CUX1: variants seen among roughly 807,000 people sequenced by gnomAD.
The protein encoded by CUX1 is cut like homeobox 1.
A neutral mutation model predicts 158.8 loss-of-function variants in CUX1; 31 were observed. That is an observed-to-expected ratio of 0.20 (90% CI 0.15 to 0.26). The LOEUF (loss-of-function observed/expected upper bound fraction) is 0.26, where lower values mean the gene tolerates loss of function less well. Among genes scored for constraint, CUX1 ranks in the 10% least tolerant of loss-of-function variants. CUX1 has a pLI of 1.00. For missense variants in CUX1, 1,589 were observed against 2,014.6 expected (o/e 0.79, Z 4.04); for synonymous variants, 879 against 862.1 (o/e 1.02, Z -0.34).
At chr7:102,119,114 C>T (rs1456115310) in intron 8 of CUX1, among the ~76,000 whole-genome samples, 1 of 152,210 alleles carries the variant, frequency 6.6e-6, no homozygotes, top group Non-Finnish European at 1.5e-5. Flanking sequence ...TGGTGAGAGT[C>T]TGAGGCTAAG....
chr7:102,270,657 C>T (rs1355821766), intron 14 of CUX1, among the ~76,000 whole-genome samples: 1 of 152,226 alleles, frequency 6.6e-6, no homozygotes, highest in Non-Finnish European at 1.5e-5. Flanking sequence ...GGATGGCCTC[C>T]CCCAACCACT....
At position 102,156,708 on chromosome 7, in the gene CUX1, C is replaced by T. The variant is rs1332266856; in HGVS notation, c.675-1852C>T. Among the ~76,000 whole-genome samples, 6 of 152,204 alleles carry T rather than the reference C, an allele frequency of 3.9e-5. 1 individual carries two copies. The highest frequency in any genetic ancestry group is 6.5e-5 in the Admixed American group (1 of 15,276). Reference sequence around the variant, plus strand: ...TGGAGCAGGTTTCGGAAGGATAGAACTCTCATTGTCAGGCCTGTCCAGCAC... The same window carrying T: ...TGGAGCAGGTTTCGGAAGGATAGAATTCTCATTGTCAGGCCTGTCCAGCAC... On this transcript the variant is annotated intron_variant, in intron 8 of 23. Transcript: ENST00000292535.
At chr7:101,873,128 C>A (rs1424999625) in intron 1 of CUX1, among the ~76,000 whole-genome samples, 5 of 151,272 alleles carry the variant, frequency 3.3e-5, no homozygotes, top group African/African-American at 1.2e-4. Flanking sequence ...ATCTAGGTCT[C>A]CCAAAGTGCT....
intron 20 of CUX1, 69 bp from the exon 21 acceptor site, chr7:102,227,298 A>T: frequency 7.4e-7 from 1 of 1,349,876 alleles, no homozygotes; most frequent in Non-Finnish European, 1.0e-6. Context: ...TTCCTAGATA[A>T]GGAACGTAGA....
intron 2 of CUX1, among the ~76,000 whole-genome samples, chr7:101,978,924 G>C (rs1813068599): frequency 6.6e-6 from 1 of 152,228 alleles, no homozygotes; most frequent in South Asian, 2.1e-4. Context: ...CAGGCACAGA[G>C]CCCGGGGTAT....
At chr7:102,084,274 A>T (rs2130777887) in intron 4 of CUX1, among the ~76,000 whole-genome samples, 1 of 144,918 alleles carries the variant, frequency 6.9e-6, no homozygotes, top group Admixed American at 7.0e-5. Context: ...ATTTTAACAA[A>T]TAATAAAATA....
chr7:102,277,584 G>C (rs568020019), intron 17 of CUX1, among the ~76,000 whole-genome samples: 25 of 151,886 alleles, frequency 1.6e-4, no homozygotes, highest in Admixed American at 1.4e-3. Context: ...TGGGCAACAA[G>C]AGCGAAACTC....
intron 8 of CUX1, among the ~76,000 whole-genome samples, chr7:102,120,824 G>C (rs1175003326): frequency 6.6e-6 from 1 of 152,214 alleles, no homozygotes; most frequent in African/African-American, 2.4e-5. Flanking sequence ...AGCACTCTGG[G>C]AGACTGAGGT....
At chr7:101,969,982 CAAAAA>C (rs34167642) in intron 2 of CUX1, among the ~76,000 whole-genome samples, 15 of 55,670 alleles carry the variant, frequency 2.7e-4, no homozygotes, top group Admixed American at 1.0e-3. Context: ...GAGTTAGCAC[CAAAAA>C]AAAAAAAAAA....
intron 4 of CUX1, among the ~76,000 whole-genome samples, chr7:102,081,713 ACCT>A (rs1827436225): frequency 6.9e-6 from 1 of 144,972 alleles, no homozygotes; most frequent in East Asian, 2.0e-4. Flanking sequence ...GCTCGCTGCA[ACCT>A]CCTCCTCCTG....
intron 1 of CUX1, chr7:101,913,445 TCACCTTG>T: frequency 8.1e-7 from 1 of 1,233,916 alleles, no homozygotes; most frequent in Non-Finnish European, 1.1e-6. Flanking sequence ...CAAGGTGGGT[TCACCTTG>T]CACCGGGCCA....
At chr7:101,846,422 G>A (rs888621694) in intron 1 of CUX1, among the ~76,000 whole-genome samples, 1 of 151,920 alleles carries the variant, frequency 6.6e-6, no homozygotes, top group South Asian at 2.1e-4. Flanking sequence ...GGGATCAAGC[G>A]ATCCTCCCAC....
At position 102,103,419 on chromosome 7, in the gene CUX1, C is replaced by T. The variant is rs746332333; in HGVS notation, c.407-917C>T. 3.3e-3 allele frequency among the ~76,000 whole-genome samples: 354 copies of T among 107,242 alleles called. 2 individuals carry two copies. Among genetic ancestry groups the T allele is most frequent in the South Asian group, 8.3e-3 (28 of 3,388 alleles). The allele number at this position is 107,242 out of a possible 152,430, so 70.4% of individuals were successfully genotyped here. A position where few individuals can be genotyped will look rare whatever the true frequency, so the allele number is the denominator to read the frequency against. ...CCTCTCTTTCTTTTGCTCTCCGTTT[C>T]TCTCTCTCTCTCTCTCACTCACTCA... On this transcript the variant is annotated intron_variant, in intron 5 of 23. Coordinates refer to ENST00000292535, the MANE Select transcript of CUX1 (RefSeq NM_181552.4).
intron 2 of CUX1, among the ~76,000 whole-genome samples, chr7:102,017,768 G>T (rs1331070942): frequency 6.6e-6 from 1 of 151,384 alleles, no homozygotes; most frequent in East Asian, 2.0e-4. Context: ...AATCGCTTGA[G>T]CCTGGGAGGC....
Position 102,160,062 on chromosome 7 carries a change from T to G in CUX1, c.723+1454T>G, listed in dbSNP as rs562549520. On this transcript the variant is annotated intron_variant, in intron 9 of 23. Coordinates refer to ENST00000292535, the MANE Select transcript of CUX1 (RefSeq NM_181552.4). ...CGGGTGCGGTGACATGCACCTGTCA[T>G]CCCAGCTGTTCAGGAGGCTGAGGCA... Among the ~76,000 whole-genome samples, 13 of 151,786 alleles carry G rather than the reference T, an allele frequency of 8.6e-5. No homozygotes were observed. In the East Asian group the frequency reaches 2.3e-3, roughly 27 times the overall value.
chr7:101,969,609 C>T (rs1811690302), intron 2 of CUX1, among the ~76,000 whole-genome samples: 1 of 152,102 alleles, frequency 6.6e-6, no homozygotes, highest in Middle Eastern at 3.4e-3. Context: ...TTTTAGCGGT[C>T]GAAGGGAACT....
chr7:101,904,505 T>A (rs1802533116), intron 1 of CUX1, among the ~76,000 whole-genome samples: 1 of 151,996 alleles, frequency 6.6e-6, no homozygotes, highest in South Asian at 2.1e-4. Flanking sequence ...GGAGTTAATA[T>A]CAAATGATCT....
chr7:102,283,437 C>T (rs182997186), exon 23 of CUX1: 1 of 314,154 alleles, frequency 3.2e-6, no homozygotes, highest in African/African-American at 2.1e-5. Context: ...CCGATTCCAG[C>T]TGCGGTTAAT....
intron 1 of CUX1, among the ~76,000 whole-genome samples, chr7:101,835,023 A>AATAAATAC (rs1478214173): frequency 7.3e-6 from 1 of 137,350 alleles, no homozygotes. Flanking sequence ...TAAATAAATA[A>AATAAATAC]ATAAATAAAG....
Sources: allele counts gnomAD v4.1 joint callset (sites outside exome capture counted in the v4.1 genomes callset), GRCh38; gene constraint gnomAD v4.1.1; transcripts MANE v1.5; gene names NCBI Gene and HGNC (gene_info 2026-07-23, HGNC 2026-07-21).